The following HUNK variants were observed in gnomAD, a reference collection of about 807,000 sequenced individuals.
HUNK encodes hormonally up-regulated neu tumor-associated kinase.
In HUNK, 21 loss-of-function variants were observed where a neutral mutation model predicts 61.0. That is an observed-to-expected ratio of 0.34 (90% CI 0.24 to 0.50). The LOEUF (loss-of-function observed/expected upper bound fraction) is 0.50, where lower values mean the gene tolerates loss of function less well. HUNK is among the 20% of genes least tolerant of loss of function. The pLI is 0.98. For missense variants in HUNK, 772 were observed against 945.7 expected, an observed-to-expected ratio of 0.82 and a Z score of 2.41; for synonymous variants, 371 against 386.1, an observed-to-expected ratio of 0.96 and a Z score of 0.46.
At chr21:31,938,356 A>G (rs1169870906) in intron 2 of HUNK, among the ~76,000 whole-genome samples, 5 of 152,162 alleles carry the variant, frequency 3.3e-5, no homozygotes, top group Admixed American at 3.3e-4. Context: ...GTAGCCTGCA[A>G]GGTTGGGGTT....
intron 1 of HUNK, among the ~76,000 whole-genome samples, chr21:31,891,480 G>A (rs2052387473): frequency 6.6e-6 from 1 of 152,200 alleles, no homozygotes; most frequent in Non-Finnish European, 1.5e-5. Context: ...GACTCTGACT[G>A]GTACAAGAGC....
chr21:31,879,741 ATG>A (rs2052292335), intron 1 of HUNK, among the ~76,000 whole-genome samples: 1 of 152,162 alleles, frequency 6.6e-6, no homozygotes, highest in South Asian at 2.1e-4. Flanking sequence ...AGTGGCAGCC[ATG>A]TGCCCCCGAA....
At chr21:31,900,830 G>A (rs887772328) in intron 1 of HUNK, among the ~76,000 whole-genome samples, 1 of 152,178 alleles carries the variant, frequency 6.6e-6, no homozygotes, top group African/African-American at 2.4e-5. Flanking sequence ...CTTGAGTACT[G>A]CATTCGTTTC....
intron 4 of HUNK, among the ~76,000 whole-genome samples, chr21:31,948,868 A>G (rs2123833664): frequency 6.6e-6 from 1 of 152,256 alleles, no homozygotes. Context: ...TGAGATGTGG[A>G]GAGATAAAGA....
Position 31,994,004 on chromosome 21 carries a change from G to A in HUNK, c.1306-1764G>A, listed in dbSNP as rs1183867960. On this transcript the variant is annotated intron_variant, in intron 9 of 10. Coordinates refer to ENST00000270112, the MANE Select transcript of HUNK (RefSeq NM_014586.2). Reference sequence around the variant, plus strand: ...GGTTGACAACATCAACTTCAGGGCCGGGAAAATCCGCGTTTCCACCGGGCT... The same window carrying A: ...GGTTGACAACATCAACTTCAGGGCCAGGAAAATCCGCGTTTCCACCGGGCT... Among the ~76,000 whole-genome samples, 3 of 152,154 alleles carry A rather than the reference G, an allele frequency of 2.0e-5. No individual in the cohort carries two copies. In the East Asian group the frequency reaches 5.8e-4, roughly 29 times the overall value.
chr21:31,998,110 G>C (rs1259281736), intron 10 of HUNK, among the ~76,000 whole-genome samples: 4 of 152,038 alleles, frequency 2.6e-5, no homozygotes, highest in Admixed American at 2.0e-4. Flanking sequence ...TTAGAGACGG[G>C]GTCTTGCCAT....
chr21:31,909,408 C>T (rs73361258), intron 1 of HUNK, among the ~76,000 whole-genome samples: 12,184 of 152,164 alleles, frequency 0.08, 597 homozygotes, highest in South Asian at 0.18. Context: ...CCTGGGTGGG[C>T]GTGGGAGGGT....
At chr21:31,967,993 A>C (rs574652203) in intron 5 of HUNK, among the ~76,000 whole-genome samples, 13 of 152,166 alleles carry the variant, frequency 8.5e-5, no homozygotes, top group Admixed American at 2.6e-4. Context: ...TTCTTTGGCT[A>C]TGTGGTGTGT....
At position 31,923,181 on chromosome 21, in the gene HUNK, C is replaced by T. The variant is rs149140197; in HGVS notation, c.262-1287C>T. ...ACAGGGCAGCCGGCGTGGTGACTCA[C>T]GCCTTTGACGCCGGTGCTTTGGGAG... On this transcript the variant is annotated intron_variant, in intron 1 of 10. Transcript: ENST00000270112. Among the ~76,000 whole-genome samples, 747 of 152,252 alleles carry T rather than the reference C, an allele frequency of 4.9e-3. 7 individuals are homozygous for T. The highest frequency in any genetic ancestry group is 0.017 in the African/African-American group (707 of 41,552).
chr21:31,980,870 A>G (rs1371326285), intron 7 of HUNK, among the ~76,000 whole-genome samples: 1 of 151,940 alleles, frequency 6.6e-6, no homozygotes, highest in Non-Finnish European at 1.5e-5. Context: ...ATGCCCAGGT[A>G]ATTTTGTATT....
rs779361324 is a variant in HUNK at position 31,932,911 on chromosome 21, C to CTT, written c.555-7236_555-7235dup. 6.6e-3 allele frequency among the ~76,000 whole-genome samples: 859 copies of CTT among 130,610 alleles called. 21 individuals are homozygous for CTT. The highest frequency in any genetic ancestry group is 0.022 in the African/African-American group (715 of 32,332). The allele number at this position is 130,610 out of a possible 152,430, so 85.7% of individuals were successfully genotyped here. ...CCCATCCTCCTGCGCTGCCTTCTTC[C>CTT]TTTTTTTTTTTTTTTTTTTGATACA... On this transcript the variant is annotated intron_variant, in intron 2 of 10. Coordinates refer to ENST00000270112, the MANE Select transcript of HUNK (RefSeq NM_014586.2).
chr21:31,987,185 CAG>C (rs1213222410), intron 8 of HUNK, among the ~76,000 whole-genome samples: 1 of 152,152 alleles, frequency 6.6e-6, no homozygotes, highest in Non-Finnish European at 1.5e-5. Context: ...GGATTAAAGG[CAG>C]GGGGATACCT....
Position 31,895,817 on chromosome 21 carries a change from A to C in HUNK, c.261+21882A>C, listed in dbSNP as rs576515076. 1.3e-5 allele frequency among the ~76,000 whole-genome samples: 2 copies of C among 152,304 alleles called. 1 individual carries two copies. The highest frequency in any genetic ancestry group is 4.1e-4 in the South Asian group (2 of 4,828). ...CAGTGTGAAGGAGGGCATTACCTTG[A>C]ACCTGACAAGTCTTGTATCTGTCAA... On this transcript the variant is annotated intron_variant, in intron 1 of 10. Transcript: ENST00000270112.
chr21:31,999,931 G>A lies in HUNK; in HGVS notation c.*747G>A. 2.6e-6 allele frequency: 1 copy of A among 387,808 alleles called. No individual in the cohort carries two copies. The highest frequency in any genetic ancestry group is 4.6e-6 in the Non-Finnish European group (1 of 219,714). The allele number at this position is 387,808 out of a possible 1,614,324, so 24.0% of individuals were successfully genotyped here. ...AAATAACATAATTTTTTAAAACTTG[G>A]ATGGAGAGATGAGAAGCAATTCCAC... is the stretch of plus-strand genomic sequence containing the variant. On this transcript the variant is annotated 3_prime_UTR_variant, in exon 11 of 11. Coordinates refer to ENST00000270112, the MANE Select transcript of HUNK (RefSeq NM_014586.2).
chr21:31,874,475 GTTTTTTGGCAGCTAGGGAATT>G (rs1484581544), intron 1 of HUNK, among the ~76,000 whole-genome samples: 76 of 152,154 alleles, frequency 5.0e-4, no homozygotes, highest in Non-Finnish European at 9.9e-4. Context: ...GCTAGGGAAT[GTTTTTTGGCAGCTAGGGAATT>G]TTTCGTGCTC....
intron 1 of HUNK, among the ~76,000 whole-genome samples, chr21:31,913,827 G>A (rs964811129): frequency 1.3e-5 from 2 of 151,946 alleles, no homozygotes; most frequent in Non-Finnish European, 2.9e-5. Flanking sequence ...GGCAAGCAGG[G>A]TGTGAGAGGT....
chr21:31,900,625 T>C (rs1028112062), intron 1 of HUNK, among the ~76,000 whole-genome samples: 1 of 152,182 alleles, frequency 6.6e-6, no homozygotes, highest in Non-Finnish European at 1.5e-5. Context: ...CTGGCTCTCT[T>C]AACAACAGCA....
intron 4 of HUNK, among the ~76,000 whole-genome samples, chr21:31,952,613 T>G (rs1240423354): frequency 6.7e-6 from 1 of 148,586 alleles, no homozygotes; most frequent in African/African-American, 2.5e-5. Context: ...TATTTTTTTT[T>G]GTGTACCAGA....
In HUNK at chr21:32,000,836, C is replaced by G. The variant is rs562210526; in HGVS notation, c.*1652C>G. The G allele has an allele frequency of 7.0e-5, 28 of 398,124 alleles. No homozygotes were observed. The South Asian group carries it at 1.2e-3, about 17-fold the overall frequency. The allele number at this position is 398,124 out of a possible 1,614,324, so 24.7% of individuals were successfully genotyped here. On this transcript the variant is annotated 3_prime_UTR_variant, in exon 11 of 11. Coordinates refer to ENST00000270112, the MANE Select transcript of HUNK (RefSeq NM_014586.2). Reference sequence around the variant, plus strand: ...GGGACAGAATGGATATTTGGCTGACCTTGGTGAGACCTGGAGCTGCCTGTT... The same window carrying G: ...GGGACAGAATGGATATTTGGCTGACGTTGGTGAGACCTGGAGCTGCCTGTT...
Sources: allele counts gnomAD v4.1 joint callset (sites outside exome capture counted in the v4.1 genomes callset), GRCh38; gene constraint gnomAD v4.1.1; transcripts MANE v1.5; gene names NCBI Gene and HGNC (gene_info 2026-07-23, HGNC 2026-07-21).